SHANK2: variants seen among roughly 807,000 people sequenced by gnomAD.
SHANK2 encodes the protein SH3 and multiple ankyrin repeat domains 2.
A neutral mutation model predicts 133.7 loss-of-function variants in SHANK2; 43 were observed. The ratio of observed to expected loss-of-function variants is 0.32; its 90% CI spans 0.25 to 0.41. The LOEUF (loss-of-function observed/expected upper bound fraction) is 0.41. Ranked by LOEUF, SHANK2 falls within the 10% of genes least tolerant of loss-of-function variation. SHANK2 has a pLI of 1.00. For synonymous variants in SHANK2, 1,017 were observed against 952.8 expected (o/e 1.07, Z -1.24); for missense variants, 1,994 against 2,235.8 (o/e 0.89, Z 2.18).
intron 10 of SHANK2, among the ~76,000 whole-genome samples, chr11:70,930,530 C>T (rs988541415): frequency 1.3e-5 from 2 of 152,106 alleles, no homozygotes; most frequent in African/African-American, 4.8e-5. Flanking sequence ...TCTGTTATCT[C>T]ACCTGGCCAA....
At chr11:71,179,328 C>T (rs553143366) in intron 2 of SHANK2, among the ~76,000 whole-genome samples, 1 of 152,304 alleles carries the variant, frequency 6.6e-6, no homozygotes, top group South Asian at 2.1e-4. Context: ...AGCATACTAA[C>T]AAACCATATT....
intron 14 of SHANK2, among the ~76,000 whole-genome samples, chr11:70,699,246 T>TA (rs57742347): frequency 0.029 from 3,976 of 136,454 alleles, 129 homozygotes; most frequent in African/African-American, 0.088. Context: ...TCCTTTCTCC[T>TA]AAAAAAAAAA....
At chr11:70,748,994 C>T (rs1946702002) in intron 14 of SHANK2, among the ~76,000 whole-genome samples, 2 of 122,872 alleles carry the variant, frequency 1.6e-5, no homozygotes, top group South Asian at 2.4e-4. Flanking sequence ...TCCCCCCCAT[C>T]ACACACACAC....
chr11:70,715,357 C>T (rs1163515732), intron 14 of SHANK2, among the ~76,000 whole-genome samples: 13 of 152,192 alleles, frequency 8.5e-5, no homozygotes, highest in Admixed American at 5.9e-4. Flanking sequence ...TTTGTAAGCT[C>T]AGTGGATGCC....
At chr11:70,729,402 T>C (rs1946237222) in intron 14 of SHANK2, among the ~76,000 whole-genome samples, 1 of 151,978 alleles carries the variant, frequency 6.6e-6, no homozygotes, top group Non-Finnish European at 1.5e-5. Flanking sequence ...AGGGAGGAAG[T>C]AACTGCTTCA....
chr11:70,581,157 C>T (rs1164527589), intron 17 of SHANK2, among the ~76,000 whole-genome samples: 7 of 152,132 alleles, frequency 4.6e-5, no homozygotes, highest in Non-Finnish European at 7.3e-5. Context: ...CCATCAGGGA[C>T]GACGGCAAAA....
chr11:70,730,900 G>T lies in SHANK2; in HGVS notation c.1778-32137C>A, dbSNP rs377750131. Among the ~76,000 whole-genome samples the T allele has an allele frequency of 2.3e-4, 29 of 124,128 alleles. 1 individual carries two copies. In the East Asian group the frequency reaches 2.6e-3, roughly 11 times the overall value. 81.4% of individuals were successfully genotyped at this position (124,128 alleles called of 152,430 possible). A position where few individuals can be genotyped will look rare whatever the true frequency, so the allele number is the denominator to read the frequency against. On this transcript the variant is annotated intron_variant, in intron 14 of 25. Coordinates refer to ENST00000601538, the MANE Select transcript of SHANK2 (RefSeq NM_012309.5). The stretch of plus-strand genomic sequence containing the variant: ...ACTAATCATTAAAAAAATACAATTT[G>T]TTGGCAGTTAACACATCCACAATGC...
intron 14 of SHANK2, among the ~76,000 whole-genome samples, chr11:70,760,980 G>T (rs558572772): frequency 3.9e-5 from 6 of 152,288 alleles, no homozygotes; most frequent in African/African-American, 1.4e-4. Context: ...GAGCTGCAAT[G>T]CCCAGGGGCA....
chr11:70,500,543 C>T lies in SHANK2; in HGVS notation c.2308+27G>A. The T allele has an allele frequency of 1.3e-6, 2 of 1,597,708 alleles. No homozygotes were observed. Among genetic ancestry groups the T allele is most frequent in the Non-Finnish European group, 1.7e-6 (2 of 1,172,376 alleles). ...CCACAGGGGGGTGATGGGCAGGGGGCTGAGACAGACACTGGGCCTCCCTTA... is the reference window on the plus strand; with the variant it reads ...CCACAGGGGGGTGATGGGCAGGGGGTTGAGACAGACACTGGGCCTCCCTTA... On this transcript the variant is annotated intron_variant, in intron 21 of 25. Coordinates refer to ENST00000601538, the MANE Select transcript of SHANK2 (RefSeq NM_012309.5). This position sits in a 1 kb window ranked among gnomAD's most constrained non-coding sequence, Gnocchi z 4.5.
At chr11:70,699,712 A>T (rs555591878) in intron 14 of SHANK2, among the ~76,000 whole-genome samples, 1 of 152,366 alleles carries the variant, frequency 6.6e-6, no homozygotes, top group Non-Finnish European at 1.5e-5. Flanking sequence ...CACACCTTTC[A>T]TGTGCCCAGA....
At chr11:70,890,488 C>CA (rs1308645277) in intron 11 of SHANK2, among the ~76,000 whole-genome samples, 45 of 20,754 alleles carry the variant, frequency 2.2e-3, no homozygotes, top group East Asian at 6.7e-3. Context: ...AAAAAAAAAA[C>CA]AAAAAAAACA....
chr11:70,836,965 G>T (rs566870920), intron 11 of SHANK2, among the ~76,000 whole-genome samples: 3 of 152,204 alleles, frequency 2.0e-5, no homozygotes, highest in Admixed American at 1.3e-4. Flanking sequence ...AGACTTGAGA[G>T]TTGGTCGCTG....
chr11:70,835,942 C>T (rs2135413209), intron 11 of SHANK2, among the ~76,000 whole-genome samples: 1 of 152,224 alleles, frequency 6.6e-6, no homozygotes, highest in East Asian at 1.9e-4. Flanking sequence ...AGTGGGCACC[C>T]CGAGCCCACT....
At chr11:70,661,391 G>A (rs189440142) in intron 16 of SHANK2, among the ~76,000 whole-genome samples, 11 of 152,296 alleles carry the variant, frequency 7.2e-5, no homozygotes, top group Admixed American at 6.5e-4. Flanking sequence ...CGTTTTCTGA[G>A]TAAGGCACAA....
chr11:70,563,797 C>T (rs1554981321), intron 17 of SHANK2, among the ~76,000 whole-genome samples: 1 of 152,162 alleles, frequency 6.6e-6, no homozygotes, highest in African/African-American at 2.4e-5. Flanking sequence ...ATCTGAAAGA[C>T]AACCTTTCAT....
At chr11:70,539,243 G>A (rs1204336414) in intron 17 of SHANK2, among the ~76,000 whole-genome samples, 3 of 152,230 alleles carry the variant, frequency 2.0e-5, no homozygotes, top group Non-Finnish European at 2.9e-5. Context: ...GCCACAGAGA[G>A]CAGGCTGTGC....
At chr11:71,245,431 T>G (rs1333032713) in intron 1 of SHANK2, among the ~76,000 whole-genome samples, 1 of 152,222 alleles carries the variant, frequency 6.6e-6, no homozygotes, top group Non-Finnish European at 1.5e-5. Flanking sequence ...AGATTCGTGC[T>G]CATACATAAA....
rs781912965 is a variant in SHANK2 at position 70,473,069 on chromosome 11, G to T, written c.5350C>A (p.His1784Asn). 7.4e-6 allele frequency: 12 copies of T among 1,614,234 alleles called. No individual in the cohort carries two copies. The highest frequency in any genetic ancestry group is 1.0e-5 in the Non-Finnish European group (12 of 1,180,050). The change falls in exon 26 of 26, where the codon CAC becomes AAC. Residue 1784 changes from histidine to asparagine, a missense_variant. Transcript: ENST00000601538. The surrounding 1 kb of genome is among the most constrained non-coding windows in gnomAD (Gnocchi z 5.9). ...GCCACATCTGGTTTAGTCCACAGGTGGACAGGTTTAGTTGTAAAAGGCTTA... is the reference window on the plus strand; with the variant it reads ...GCCACATCTGGTTTAGTCCACAGGTTGACAGGTTTAGTTGTAAAAGGCTTA... ...SNKPFTTKPV[H>N]LWTKPDVADW...
intron 17 of SHANK2, among the ~76,000 whole-genome samples, chr11:70,656,832 A>G (rs1683858358): frequency 6.6e-6 from 1 of 152,198 alleles, no homozygotes; most frequent in African/African-American, 2.4e-5. Flanking sequence ...TGGTCAACCA[A>G]GGAACAAAAA....
Sources: gnomAD v4.1 joint callset for allele counts (sites outside exome capture counted in the v4.1 genomes callset) on GRCh38, gnomAD v4.1.1 for gene constraint, Gnocchi (gnomAD v3.1) non-coding constraint, MANE v1.5 for transcripts, NCBI Gene and HGNC (gene_info 2026-07-23, HGNC 2026-07-21) for gene names.